MYT1L: variants seen among roughly 807,000 people sequenced by gnomAD.
MYT1L encodes myelin transcription factor 1-like protein.
A neutral mutation model predicts 126.7 loss-of-function variants in MYT1L; 12 were observed. That is an observed-to-expected ratio of 0.09 (90% CI 0.06 to 0.15). The LOEUF is 0.15. Among genes scored for constraint, MYT1L ranks in the 10% least tolerant of loss-of-function variants. The pLI is 1.00. For missense variants in MYT1L, 979 were observed against 1,585.2 expected (o/e 0.62, Z 6.49); for synonymous variants, 541 against 604.2 (o/e 0.90, Z 1.53).
chr2:2,117,779 C>T (rs975517326), intron 3 of MYT1L, among the ~76,000 whole-genome samples: 6 of 152,052 alleles, frequency 3.9e-5, no homozygotes, highest in Non-Finnish European at 1.5e-5. Flanking sequence ...GCTGCGTCTC[C>T]ACTAGATAGC....
intron 2 of MYT1L, among the ~76,000 whole-genome samples, chr2:2,283,570 G>A (rs1036272395): frequency 6.6e-6 from 1 of 152,158 alleles, no homozygotes; most frequent in African/African-American, 2.4e-5. Flanking sequence ...AATTAAATTT[G>A]TAGCACTTCT....
At chr2:1,965,531 GT>G (rs2059281563) in intron 8 of MYT1L, among the ~76,000 whole-genome samples, 1 of 152,268 alleles carries the variant, frequency 6.6e-6, no homozygotes, top group African/African-American at 2.4e-5. Context: ...TGAACGCTTT[GT>G]TTGGAGGAAC....
At chr2:1,867,490 A>G (rs900083482) in intron 18 of MYT1L, among the ~76,000 whole-genome samples, 9 of 152,188 alleles carry the variant, frequency 5.9e-5, no homozygotes, top group African/African-American at 1.9e-4. Context: ...AAAGTCCTCA[A>G]CTTCAGTCTC....
chr2:2,127,563 T>C (rs546064610), intron 3 of MYT1L, among the ~76,000 whole-genome samples: 8 of 152,324 alleles, frequency 5.3e-5, no homozygotes, highest in African/African-American at 1.9e-4. Flanking sequence ...AATGTTCCCC[T>C]ACACCCCTCC....
chr2:1,887,752 G>T lies in MYT1L; in HGVS notation c.2521-143C>A. 1 of 964,384 alleles carries T rather than the reference G, an allele frequency of 1.0e-6. No individual in the cohort carries two copies. The highest frequency in any genetic ancestry group is 1.6e-6 in the Non-Finnish European group (1 of 640,362). The allele number at this position is 964,384 out of a possible 1,614,324, so 59.7% of individuals were successfully genotyped here. A position where few individuals can be genotyped will look rare whatever the true frequency, so the allele number is the denominator to read the frequency against. On this transcript the variant is annotated intron_variant, in intron 16 of 24. Transcript: ENST00000647738. This position sits in a 1 kb window ranked among gnomAD's most constrained non-coding sequence, Gnocchi z 4.8. ...TTAAGATCCTTTTGGTCCTGATAACGCCCCTACTGAAAATGCATATTGAAC... is the reference window on the plus strand; with the variant it reads ...TTAAGATCCTTTTGGTCCTGATAACTCCCCTACTGAAAATGCATATTGAAC...
At chr2:1,797,354 C>G (rs1020335608) in intron 23 of MYT1L, among the ~76,000 whole-genome samples, 3 of 152,146 alleles carry the variant, frequency 2.0e-5, no homozygotes, top group South Asian at 2.1e-4. Flanking sequence ...CTCCCGAGTA[C>G]CTGGGACTAC....
intron 4 of MYT1L, among the ~76,000 whole-genome samples, chr2:2,002,409 T>A (rs975906299): frequency 6.6e-6 from 1 of 152,196 alleles, no homozygotes; most frequent in African/African-American, 2.4e-5. Context: ...CTCAGTTTCA[T>A]GTAGAATTCA....
chr2:2,236,377 C>A (rs2094304504), intron 2 of MYT1L, among the ~76,000 whole-genome samples: 1 of 136,496 alleles, frequency 7.3e-6, no homozygotes, highest in Non-Finnish European at 1.5e-5. Context: ...TACATCCCAA[C>A]CCACCCCAGT....
At chr2:2,294,626 A>G (rs2095645624) in intron 1 of MYT1L, among the ~76,000 whole-genome samples, 1 of 152,074 alleles carries the variant, frequency 6.6e-6, no homozygotes, top group Non-Finnish European at 1.5e-5. Context: ...ATGAGACCAA[A>G]ACTGAGTTAA....
intron 1 of MYT1L, among the ~76,000 whole-genome samples, chr2:2,320,336 C>A (rs73912016): frequency 6.6e-6 from 1 of 151,860 alleles, no homozygotes; most frequent in Non-Finnish European, 1.5e-5. Context: ...CTTTGTCTTG[C>A]GAAAGTGCTC....
At chr2:1,864,969 T>A (rs2045262125) in intron 18 of MYT1L, among the ~76,000 whole-genome samples, 1 of 152,118 alleles carries the variant, frequency 6.6e-6, no homozygotes, top group Admixed American at 6.5e-5. Context: ...GAGCTTCCAC[T>A]CTATTTAGGC....
intron 1 of MYT1L, chr2:2,303,747 G>A (rs1232510712): frequency 1.3e-5 from 2 of 152,256 alleles, no homozygotes; most frequent in African/African-American, 4.8e-5. Flanking sequence ...GAGGGAAGCA[G>A]CTTGTCTGAA....
intron 3 of MYT1L, among the ~76,000 whole-genome samples, chr2:2,065,160 T>G (rs1472420029): frequency 6.6e-6 from 1 of 152,108 alleles, no homozygotes; most frequent in Non-Finnish European, 1.5e-5. Context: ...ATAGTGCCAC[T>G]GCACTCCAGC....
At chr2:1,902,901 C>T (rs1405044599) in intron 14 of MYT1L, 179 bp downstream of exon 14, 4 of 606,812 alleles carry the variant, frequency 6.6e-6, no homozygotes, top group Admixed American at 2.9e-5. Context: ...TTTTGCTCAC[C>T]TACAGCTGTG....
intron 1 of MYT1L, among the ~76,000 whole-genome samples, chr2:2,311,953 G>A (rs1379513459): frequency 6.6e-6 from 1 of 152,206 alleles, no homozygotes; most frequent in Admixed American, 6.5e-5. Flanking sequence ...GAGTGCAAAT[G>A]AATCATAACA....
intron 2 of MYT1L, among the ~76,000 whole-genome samples, chr2:2,233,579 G>A (rs1383683886): frequency 1.3e-5 from 2 of 152,214 alleles, no homozygotes; most frequent in East Asian, 1.9e-4. Flanking sequence ...AGGAAGAAGA[G>A]GAAGTGGCCA....
chr2:2,044,521 G>GC (rs1337652873), intron 4 of MYT1L, among the ~76,000 whole-genome samples: 1 of 152,194 alleles, frequency 6.6e-6, no homozygotes, highest in Non-Finnish European at 1.5e-5. Context: ...ACAAAACTCT[G>GC]CAACGGGCTT....
chr2:2,186,210 C>T lies in MYT1L; in HGVS notation c.-420-13222G>A, dbSNP rs1193698307. Among the ~76,000 whole-genome samples, 41 of 142,546 alleles carry T rather than the reference C, an allele frequency of 2.9e-4. 4 individuals are homozygous for T. Among genetic ancestry groups the T allele is most frequent in the African/African-American group, 1.0e-3 (38 of 36,222 alleles). The allele number at this position is 142,546 out of a possible 152,430, so 93.5% of individuals were successfully genotyped here. ...GACGCAGCCAGGCCTTCCGGGCCTT[C>T]CCGAGTCCCGCGTTCCTTACGTGAG... On this transcript the variant is annotated intron_variant, in intron 2 of 24. Transcript: ENST00000647738.
At chr2:2,064,798 T>C (rs1382076154) in intron 3 of MYT1L, among the ~76,000 whole-genome samples, 1 of 152,220 alleles carries the variant, frequency 6.6e-6, no homozygotes, top group Admixed American at 6.5e-5. Flanking sequence ...AAGTAAAATT[T>C]TCAATGAAAT....
Sources: gnomAD v4.1 joint callset for allele counts (sites outside exome capture counted in the v4.1 genomes callset) on GRCh38, gnomAD v4.1.1 for gene constraint, Gnocchi (gnomAD v3.1) non-coding constraint, MANE v1.5 for transcripts, NCBI Gene and HGNC (gene_info 2026-07-23, HGNC 2026-07-21) for gene names.